HMCN1: variants seen among roughly 807,000 people sequenced by gnomAD.
HMCN1 encodes hemicentin-1.
Under a neutral mutation model 625.9 loss-of-function variants are expected in HMCN1, and 321 were observed. The observed-to-expected ratio is 0.51, with a 90% confidence interval of 0.47 to 0.56. The LOEUF (loss-of-function observed/expected upper bound fraction) is 0.56, where lower values mean the gene tolerates loss of function less well. HMCN1 is among the 20% of genes least tolerant of loss of function. HMCN1 has a pLI of 0.00. For missense variants in HMCN1, 6,588 were observed against 6,887.3 expected (o/e 0.96, Z 1.54); for synonymous variants, 2,425 against 2,417.6 (o/e 1.00, Z -0.09).
intron 4 of HMCN1, among the ~76,000 whole-genome samples, chr1:185,903,862 G>A (rs1665949956): frequency 1.3e-5 from 2 of 151,796 alleles, no homozygotes; most frequent in Non-Finnish European, 2.9e-5. Flanking sequence ...GAACACTTGT[G>A]TTGGCACAAA....
At chr1:185,966,220 G>A (rs1482699184) in intron 14 of HMCN1, among the ~76,000 whole-genome samples, 2 of 152,236 alleles carry the variant, frequency 1.3e-5, no homozygotes, top group South Asian at 2.1e-4. Flanking sequence ...CTCAGTTAAC[G>A]TTTAAAATAG....
intron 32 of HMCN1, 86 bp downstream of exon 32, chr1:186,016,325 T>A: frequency 7.9e-7 from 1 of 1,260,226 alleles, no homozygotes; most frequent in Non-Finnish European, 1.1e-6. Flanking sequence ...CATGCAATAA[T>A]AAAACAATCT....
intron 54 of HMCN1, 56 bp downstream of exon 54, chr1:186,076,678 C>G (rs1658836043): frequency 6.5e-7 from 1 of 1,534,048 alleles, no homozygotes; most frequent in Non-Finnish European, 9.0e-7. Flanking sequence ...TGTGTTTCCT[C>G]TCATGTATTA....
chr1:185,960,459 A>C (rs765948329), intron 11 of HMCN1, among the ~76,000 whole-genome samples: 1 of 151,976 alleles, frequency 6.6e-6, no homozygotes, highest in Non-Finnish European at 1.5e-5. Context: ...GCAATGGTAA[A>C]TTTCTCACCT....
chr1:185,963,919 C>T, intron 13 of HMCN1, 24 bp downstream of exon 13: 2 of 1,598,120 alleles, frequency 1.3e-6, no homozygotes, highest in Non-Finnish European at 1.7e-6. Flanking sequence ...CTTTAAAAGG[C>T]AATTAAAATA....
intron 1 of HMCN1, among the ~76,000 whole-genome samples, chr1:185,810,357 C>T (rs1265813537): frequency 6.6e-6 from 1 of 152,048 alleles, no homozygotes; most frequent in Non-Finnish European, 1.5e-5. Context: ...CAAATATAAT[C>T]AATGAATATT....
chr1:185,750,368 T>C (rs1422538323), intron 1 of HMCN1, among the ~76,000 whole-genome samples: 1 of 152,248 alleles, frequency 6.6e-6, no homozygotes, highest in Non-Finnish European at 1.5e-5. Context: ...ATATTCTCTT[T>C]ATCAGTTATT....
chr1:186,112,971 T>C lies in HMCN1; in HGVS notation c.11131+18T>C, dbSNP rs201011864. 26 of 1,613,414 alleles carry C rather than the reference T, an allele frequency of 1.6e-5. No individual in the cohort carries two copies. In the East Asian group the frequency reaches 4.7e-4, roughly 29 times the overall value. On this transcript the variant is annotated intron_variant, in intron 72 of 106. Transcript: ENST00000271588. ...TGTAAATGGTAAGAAAAGGTATTCA[T>C]TGTTCCACAATTTAAAAATCTGACC...
At chr1:186,026,023 C>T (rs910487982) in intron 36 of HMCN1, among the ~76,000 whole-genome samples, 2 of 152,266 alleles carry the variant, frequency 1.3e-5, no homozygotes, top group Non-Finnish European at 2.9e-5. Flanking sequence ...CTGGAAGAAG[C>T]AGTTGGCTGA....
chr1:185,758,211 C>T (rs1655258029), intron 1 of HMCN1, among the ~76,000 whole-genome samples: 1 of 152,182 alleles, frequency 6.6e-6, no homozygotes, highest in Admixed American at 6.5e-5. Flanking sequence ...AATGAATTCA[C>T]TCTTTATTCA....
At chr1:185,737,005 TAAAG>T (rs142050411) in intron 1 of HMCN1, among the ~76,000 whole-genome samples, 355 of 152,314 alleles carry the variant, frequency 2.3e-3, no homozygotes, top group African/African-American at 8.1e-3. Flanking sequence ...TTTTTGAAAA[TAAAG>T]AGAGAAATTG....
At chr1:186,126,316 C>T (rs1661643239) in intron 82 of HMCN1, among the ~76,000 whole-genome samples, 1 of 152,060 alleles carries the variant, frequency 6.6e-6, no homozygotes, top group Non-Finnish European at 1.5e-5. Context: ...TGAACACCTT[C>T]TCTGCAACTA....
At chr1:185,787,326 A>G (rs370349237) in intron 1 of HMCN1, among the ~76,000 whole-genome samples, 193 of 152,328 alleles carry the variant, frequency 1.3e-3, no homozygotes, top group African/African-American at 4.4e-3. Flanking sequence ...AAGCTGCTTT[A>G]AACTCTAGCT....
chr1:185,917,407 CT>C (rs1339954241), intron 6 of HMCN1, among the ~76,000 whole-genome samples: 1 of 152,158 alleles, frequency 6.6e-6, no homozygotes, highest in African/African-American at 2.4e-5. Context: ...ATTTAAGTTG[CT>C]GTCTACACCT....
At chr1:186,163,482 A>T (rs897975912) in intron 97 of HMCN1, among the ~76,000 whole-genome samples, 1 of 152,146 alleles carries the variant, frequency 6.6e-6, no homozygotes, top group African/African-American at 2.4e-5. Flanking sequence ...AAATGAGGAA[A>T]TCACCCGTCT....
At chr1:185,997,392 A>G (rs764371869) in intron 24 of HMCN1, 37 bp from the exon 25 acceptor site, 3 of 1,378,124 alleles carry the variant, frequency 2.2e-6, no homozygotes, top group East Asian at 2.3e-5. Flanking sequence ...AAATTGCTCA[A>G]AGAAAGCCTG....
At chr1:185,817,775 T>A (rs576564663) in intron 1 of HMCN1, among the ~76,000 whole-genome samples, 5 of 152,194 alleles carry the variant, frequency 3.3e-5, no homozygotes, top group Non-Finnish European at 7.3e-5. Context: ...TACAGTCAGA[T>A]TTTGAAACAG....
In HMCN1 at chr1:186,145,433, G is replaced by A. The variant is rs780966640; in HGVS notation, c.14297G>A (p.Trp4766Ter). The A allele has an allele frequency of 3.1e-6, 5 of 1,597,666 alleles. No homozygotes were observed. Among genetic ancestry groups the A allele is most frequent in the Admixed American group, 1.7e-5 (1 of 58,810 alleles). The stretch of plus-strand genomic sequence containing the variant: ...GGTAACTGGAGTCCTTGGAGTGGCT[G>A]GGGAACATGCAGCCGGACGTGTAAC... Reference protein sequence around the residue: ...THGNWSPWSGWGTCSRTCNGG... With the variant: ...THGNWSPWSG Residue 4766 changes from tryptophan to a stop codon, truncating the protein, a stop_gained, in exon 92 of 107, where the codon TGG becomes TAG. Transcript: ENST00000271588. LOFTEE classifies it high-confidence loss of function.
At chr1:186,088,310 GT>G (rs1659643218) in intron 62 of HMCN1, 34 bp downstream of exon 62, 2 of 1,608,934 alleles carry the variant, frequency 1.2e-6, no homozygotes, top group African/African-American at 1.3e-5. Context: ...GTGTGTGTGT[GT>G]TTTTTTCTCT....
Sources: allele counts gnomAD v4.1 joint callset (sites outside exome capture counted in the v4.1 genomes callset), GRCh38; gene constraint gnomAD v4.1.1; transcripts MANE v1.5; gene names NCBI Gene and HGNC (gene_info 2026-07-23, HGNC 2026-07-21).